The following RBFOX2 variants were observed in gnomAD, a reference collection of about 807,000 sequenced individuals.
RBFOX2 encodes RNA binding protein fox-1 homolog 2.
RBFOX2 carries 10 observed loss-of-function variants against 49.1 expected under a neutral mutation model. The ratio of observed to expected loss-of-function variants is 0.20; its 90% confidence interval spans 0.13 to 0.35. The LOEUF (loss-of-function observed/expected upper bound fraction) is 0.35, where lower values mean the gene tolerates loss of function less well. RBFOX2 is among the 10% of genes least tolerant of loss of function. RBFOX2 has a pLI of 1.00. For missense variants in RBFOX2, 323 were observed against 486.9 expected, an observed-to-expected ratio of 0.66 and a Z score of 3.17; for synonymous variants, 183 against 187.4, an observed-to-expected ratio of 0.98 and a Z score of 0.19.
At chr22:35,904,496 GCTA>G (rs1163079992) in intron 1 of RBFOX2, among the ~76,000 whole-genome samples, 10 of 152,154 alleles carry the variant, frequency 6.6e-5, no homozygotes, top group Non-Finnish European at 1.3e-4. Context: ...AAGTTAGAGT[GCTA>G]CTAATTTCAC....
chr22:35,826,063 CG>C (rs1955652503), intron 1 of RBFOX2, among the ~76,000 whole-genome samples: 2 of 144,740 alleles, frequency 1.4e-5, no homozygotes, highest in Non-Finnish European at 3.0e-5. Flanking sequence ...AAAAAAAAGC[CG>C]GGTGCAGCGG....
upstream of RBFOX2, among the ~76,000 whole-genome samples, chr22:35,939,871 G>C (rs2053518815): frequency 6.6e-6 from 1 of 152,154 alleles, no homozygotes; most frequent in African/African-American, 2.4e-5. Flanking sequence ...TAAAAATAAG[G>C]CCCTTGCTTT....
Position 35,888,274 on chromosome 22 carries a change from T to G in RBFOX2, c.-34+50573A>C, listed in dbSNP as rs114369057. ...TCCCCATTTTTTTGAGATTACTATT[T>G]TATACCTTGCTTCACTCCTCAAATC... On this transcript the variant is annotated intron_variant, in intron 1 of 13. Transcript: ENST00000359369. 2.6e-3 allele frequency among the ~76,000 whole-genome samples: 399 copies of G among 152,328 alleles called. 6 individuals carry two copies. Among genetic ancestry groups the G allele is most frequent in the African/African-American group, 9.4e-3 (390 of 41,564 alleles).
At chr22:35,766,450 T>A (rs1305144317) in intron 5 of RBFOX2, among the ~76,000 whole-genome samples, 1 of 152,194 alleles carries the variant, frequency 6.6e-6, no homozygotes, top group Non-Finnish European at 1.5e-5. Context: ...TAAATTTTTG[T>A]TATGAAAAGA....
intron 1 of RBFOX2, among the ~76,000 whole-genome samples, chr22:35,857,077 G>C (rs938143641): frequency 1.3e-5 from 2 of 152,152 alleles, no homozygotes; most frequent in African/African-American, 4.8e-5. Context: ...GACTGACTAA[G>C]GGATTGTGTG....
intron 1 of RBFOX2, among the ~76,000 whole-genome samples, chr22:35,812,588 T>C (rs953006323): frequency 1.3e-5 from 2 of 152,184 alleles, no homozygotes; most frequent in Admixed American, 6.6e-5. Context: ...AAGAATTGAA[T>C]TGGAATTCAG....
In RBFOX2 at chr22:36,005,647, G is replaced by A. The variant is rs149963535; in HGVS notation, c.186+22593C>T. On this transcript the variant is annotated intron_variant, in intron 1 of 13. Transcript: ENST00000438146. ...TGCCTTCCACAGGTACTAGTTCGTC[G>A]TCAGAAGAGATAGGCAGCACATGTG... is the stretch of plus-strand genomic sequence containing the variant. Among the ~76,000 whole-genome samples, 66 of 152,282 alleles carry A rather than the reference G, an allele frequency of 4.3e-4. No homozygotes were observed. In the East Asian group the frequency reaches 4.8e-3, roughly 11 times the overall value.
chr22:35,937,898 A>G (rs535332914), intron 1 of RBFOX2, among the ~76,000 whole-genome samples: 1 of 152,258 alleles, frequency 6.6e-6, no homozygotes, highest in East Asian at 1.9e-4. Context: ...CGACCATCCT[A>G]GTTTTTAAGA....
chr22:35,950,653 A>G (rs2054810075), intron 1 of RBFOX2, among the ~76,000 whole-genome samples: 1 of 152,036 alleles, frequency 6.6e-6, no homozygotes, highest in South Asian at 2.1e-4. Flanking sequence ...GTCCATAGGG[A>G]CTTACTTCTC....
At chr22:35,770,474 T>C (rs572022743) in intron 4 of RBFOX2, among the ~76,000 whole-genome samples, 34 of 152,202 alleles carry the variant, frequency 2.2e-4, no homozygotes, top group Middle Eastern at 6.8e-3. Context: ...AACCATGAAG[T>C]AAAAAGAATA....
At chr22:36,015,762 CA>C (rs1000391552) in intron 1 of RBFOX2, among the ~76,000 whole-genome samples, 134 of 151,968 alleles carry the variant, frequency 8.8e-4, no homozygotes, top group African/African-American at 3.0e-3. Context: ...TTAATCGGGG[CA>C]GGGGGCTAAA....
exon 1 of RBFOX2, chr22:36,028,335 G>A: frequency 1.3e-6 from 2 of 1,496,986 alleles, no homozygotes; most frequent in Admixed American, 2.0e-5. Flanking sequence ...CCGGGCACCG[G>A]CAGCTCCAGC....
In RBFOX2 at chr22:35,821,602, CAAAAAAAAAAAA is replaced by C. The variant is rs1158936385; in HGVS notation, c.28-11610_28-11599del. ...GGGGGACAGAGTGAGACTCCGTCTC[CAAAAAAAAAAAA>C]AAAAAAAAAAAAAAAAAGCAGTAGT... is the stretch of plus-strand genomic sequence containing the variant. On this transcript the variant is annotated intron_variant, in intron 1 of 11. Transcript: ENST00000405409. Among the ~76,000 whole-genome samples the C allele has an allele frequency of 5.8e-4, 21 of 36,450 alleles. 1 individual carries two copies. Among genetic ancestry groups the C allele is most frequent in the African/African-American group, 9.1e-4 (14 of 15,418 alleles). The allele number at this position is 36,450 out of a possible 152,430, so 23.9% of individuals were successfully genotyped here.
At chr22:35,973,464 C>A (rs6000049) in intron 1 of RBFOX2, among the ~76,000 whole-genome samples, 38 of 152,186 alleles carry the variant, frequency 2.5e-4, no homozygotes, top group African/African-American at 8.0e-4. Context: ...TCAATAGGAG[C>A]GCCACCTTTA....
chr22:35,880,862 T>C (rs935864924), intron 1 of RBFOX2, among the ~76,000 whole-genome samples: 2 of 152,038 alleles, frequency 1.3e-5, no homozygotes, highest in African/African-American at 2.4e-5. Flanking sequence ...AAAGGAGGGA[T>C]AGGCAAAAAG....
upstream of RBFOX2, among the ~76,000 whole-genome samples, chr22:35,963,291 G>A (rs2056360738): frequency 6.6e-6 from 1 of 152,120 alleles, no homozygotes; most frequent in Non-Finnish European, 1.5e-5. Context: ...GCAGTGCGGG[G>A]TGGGGGACAA....
intron 6 of RBFOX2, among the ~76,000 whole-genome samples, chr22:35,762,927 G>A (rs1939492218): frequency 6.6e-6 from 1 of 152,164 alleles, no homozygotes; most frequent in Non-Finnish European, 1.5e-5. Context: ...ATCATTTTAT[G>A]TGCTCATAAA....
intron 1 of RBFOX2, chr22:35,897,823 G>T (rs1004888252): frequency 3.2e-5 from 24 of 746,886 alleles, no homozygotes; most frequent in Non-Finnish European, 5.0e-5. Flanking sequence ...TTCTGGAAAT[G>T]TGTCTCTCAC....
chr22:35,906,506 C>T (rs998504342), intron 1 of RBFOX2, among the ~76,000 whole-genome samples: 12 of 152,108 alleles, frequency 7.9e-5, no homozygotes, highest in Admixed American at 3.3e-4. Context: ...ATATTTCACA[C>T]ATACTTTATT....
Sources: gnomAD v4.1 joint callset for allele counts (sites outside exome capture counted in the v4.1 genomes callset) on GRCh38, gnomAD v4.1.1 for gene constraint, MANE v1.5 for transcripts, NCBI Gene and HGNC (gene_info 2026-07-23, HGNC 2026-07-21) for gene names.